The following DNM1L variants were observed in gnomAD, a reference collection of about 807,000 sequenced individuals.
DNM1L encodes the protein dynamin 1L, also known as dynamin-1-like protein.
Under a neutral mutation model 92.8 loss-of-function variants are expected in DNM1L, and 33 were observed. That is an observed-to-expected ratio of 0.36 (90% confidence interval 0.27 to 0.48). The LOEUF is 0.48. DNM1L is among the 20% of genes least tolerant of loss of function. The pLI, the probability that DNM1L is intolerant of heterozygous loss-of-function variation, is 0.99. For synonymous variants in DNM1L, 284 were observed against 305.0 expected, an observed-to-expected ratio of 0.93 and a Z score of 0.72; for missense variants, 485 against 888.8, an observed-to-expected ratio of 0.55 and a Z score of 5.78.
At chr12:32,717,894 CTATA>C (rs1161135010) in intron 6 of DNM1L, among the ~76,000 whole-genome samples, 2 of 94,300 alleles carry the variant, frequency 2.1e-5, no homozygotes, top group African/African-American at 4.5e-5. Context: ...TTTATATATA[CTATA>C]TATAGTATAT....
rs779468068 is a variant in DNM1L at position 32,718,707 on chromosome 12, T to G, written c.684T>G (p.Asp228Glu). The G allele has an allele frequency of 5.0e-6, 8 of 1,613,788 alleles. No homozygotes were observed. In the Admixed American group the frequency reaches 1.3e-4, roughly 27 times the overall value. ...DLMDAGTDAM[D>E]VLMGRVIPVK... ...TGGATGCGGGTACTGATGCCATGGA[T>G]GTATTGATGGGAAGGGTTATTCCAG... The change falls in exon 7 of 20, where the codon GAT (aspartate) becomes GAG (glutamate). Residue 228 changes from aspartate to glutamate, a missense_variant. By Grantham distance (45) the Asp-to-Glu change is conservative. This residue lies in a region of DNM1L where 159 missense variants were observed against 275.9 expected (regional missense o/e 0.58). Transcript: ENST00000549701.
intron 1 of DNM1L, among the ~76,000 whole-genome samples, chr12:32,696,920 C>T (rs967610004): frequency 6.0e-5 from 9 of 151,086 alleles, no homozygotes; most frequent in African/African-American, 1.9e-4. Flanking sequence ...CCACCACAAC[C>T]GGGCTGGTGT....
rs1194309962 is a variant in DNM1L, at chr12:32,701,518, A to G, written c.206A>G (p.His69Arg). Residue 69 changes from histidine (H) to arginine (R), a missense_variant, in exon 2 of 20, where the codon CAT (histidine) becomes CGT (arginine). Physicochemically the swap from His to Arg is conservative, Grantham distance 29 (BLOSUM62 0). Around this residue, in one of 11 missense-constraint regions of DNM1L, gnomAD observed 159 missense variants for 275.9 expected, o/e 0.58. Coordinates refer to ENST00000549701, the MANE Select transcript of DNM1L (RefSeq NM_012062.5). ...AGACCTCTCATTCTGCAACTGGTCC[A>G]TGTTTCACAAGAAGATAAACGGAAA... is the stretch of plus-strand genomic sequence containing the variant. ...TRRPLILQLV[H>R]VSQEDKRKTT... is the part of the protein sequence containing the mutation. 1.2e-6 allele frequency: 2 copies of G among 1,613,954 alleles called. No homozygotes were observed. Among genetic ancestry groups the G allele is most frequent in the Admixed American group, 1.7e-5 (1 of 59,998 alleles).
chr12:32,700,032 T>C (rs1286405439), intron 1 of DNM1L, among the ~76,000 whole-genome samples: 2 of 151,140 alleles, frequency 1.3e-5, no homozygotes, highest in East Asian at 1.9e-4. Flanking sequence ...AGCACATTCA[T>C]TGCAGCATTG....
Position 32,693,538 on chromosome 12 carries a change from T to G in DNM1L, c.103-7877T>G, listed in dbSNP as rs148696089. Among the ~76,000 whole-genome samples, 4 of 152,378 alleles carry G rather than the reference T, an allele frequency of 2.6e-5. No homozygotes were observed. In the East Asian group the frequency reaches 7.7e-4, roughly 29 times the overall value. ...TTATTTTGTTTTTTAACAGCTTTAC[T>G]GAGATACACTCTATACCATAACATA... is the stretch of plus-strand genomic sequence containing the variant. On this transcript the variant is annotated intron_variant, in intron 1 of 19. Transcript: ENST00000549701.
rs1187061272 is a variant in DNM1L at position 32,717,348 on chromosome 12, TTATATATAGTATATATAATATATATAC to T, written c.620-1286_620-1260del. On this transcript the variant is annotated intron_variant, in intron 6 of 19. Coordinates refer to ENST00000549701, the MANE Select transcript of DNM1L (RefSeq NM_012062.5). The stretch of plus-strand genomic sequence containing the variant: ...CTATATATTTTATATATACTATATA[TTATATATAGTATATATAATATATATAC>T]TATATATAATATATAGTATATATAA... Among the ~76,000 whole-genome samples, 46 of 64,874 alleles carry T rather than the reference TTATATATAGTATATATAATATATATAC, an allele frequency of 7.1e-4. 2 individuals carry two copies. The highest frequency in any genetic ancestry group is 9.5e-4 in the South Asian group (3 of 3,172). 42.6% of individuals were successfully genotyped at this position (64,874 alleles called of 152,430 possible).
In DNM1L at chr12:32,706,357, C is replaced by G. The variant is rs145548663; in HGVS notation, c.251-1010C>G. Reference sequence around the variant, plus strand: ...TCATTTTTATTTAGACCTCAGGAGGCTGATATGCATTATTCAATACACTTA... The same window carrying G: ...TCATTTTTATTTAGACCTCAGGAGGGTGATATGCATTATTCAATACACTTA... On this transcript the variant is annotated intron_variant, in intron 2 of 19. Transcript: ENST00000549701. Among the ~76,000 whole-genome samples, 227 of 152,310 alleles carry G rather than the reference C, an allele frequency of 1.5e-3. 1 individual carries two copies. Among genetic ancestry groups the G allele is most frequent in the African/African-American group, 5.3e-3 (221 of 41,562 alleles).
At chr12:32,686,555 A>G (rs1282701359) in intron 1 of DNM1L, among the ~76,000 whole-genome samples, 2 of 152,172 alleles carry the variant, frequency 1.3e-5, no homozygotes, top group African/African-American at 2.4e-5. Flanking sequence ...TTGATGAGCA[A>G]TTGGGTTGTT....
chr12:32,736,421 G>A (rs1044966745), intron 13 of DNM1L, among the ~76,000 whole-genome samples: 4 of 152,030 alleles, frequency 2.6e-5, no homozygotes, highest in East Asian at 1.9e-4. Context: ...GCAGATGCTC[G>A]GGACATTCTA....
chr12:32,710,893 A>G (rs777623029), intron 4 of DNM1L, 36 bp from the exon 5 acceptor site: 2 of 1,458,082 alleles, frequency 1.4e-6, no homozygotes, highest in East Asian at 2.5e-5. Context: ...TTCATAGTTC[A>G]TTGAAATTTT....
At chr12:32,692,139 G>A (rs929957630) in intron 1 of DNM1L, among the ~76,000 whole-genome samples, 8 of 151,544 alleles carry the variant, frequency 5.3e-5, no homozygotes, top group African/African-American at 1.9e-4. Flanking sequence ...TTTCTTTTTG[G>A]GTGGTGATAT....
At chr12:32,727,746 C>T (rs938797785) in intron 9 of DNM1L, among the ~76,000 whole-genome samples, 2 of 152,108 alleles carry the variant, frequency 1.3e-5, no homozygotes, top group African/African-American at 4.8e-5. Flanking sequence ...TAGTATTTTA[C>T]TTTTTAGATA....
intron 1 of DNM1L, among the ~76,000 whole-genome samples, chr12:32,697,020 G>A (rs145933506): frequency 1.3e-5 from 2 of 150,504 alleles, no homozygotes; most frequent in African/African-American, 4.9e-5. Flanking sequence ...TTTGAGGTCA[G>A]GAGTTTGAGA....
At chr12:32,725,093 T>C (rs983527903) in intron 9 of DNM1L, among the ~76,000 whole-genome samples, 5 of 152,136 alleles carry the variant, frequency 3.3e-5, no homozygotes, top group African/African-American at 1.2e-4. Flanking sequence ...TCTTCTTCTT[T>C]TTTTTTACAC....
chr12:32,723,584 C>T lies in DNM1L; in HGVS notation c.1079+951C>T, dbSNP rs1313972761. Among the ~76,000 whole-genome samples, 4 of 150,266 alleles carry T rather than the reference C, an allele frequency of 2.7e-5. No individual in the cohort carries two copies. In the East Asian group the frequency reaches 6.0e-4, roughly 22 times the overall value. On this transcript the variant is annotated intron_variant, in intron 9 of 19. Transcript: ENST00000549701. ...TGGTGGGCAGCTGTAATCCCAGCTA[C>T]TTGGGAGGCTGAGGCAGGAGAATTG...
chr12:32,725,642 G>C (rs1055586512), intron 9 of DNM1L: 1 of 152,140 alleles, frequency 6.6e-6, no homozygotes, highest in Non-Finnish European at 1.5e-5. Flanking sequence ...GTCTTGCTCA[G>C]CCACCCAGGT....
At chr12:32,722,723 A>T (rs1018277416) in intron 9 of DNM1L, 90 bp downstream of exon 9, 1 of 947,674 alleles carries the variant, frequency 1.1e-6, no homozygotes, top group African/African-American at 1.7e-5. Flanking sequence ...AGATTATCTG[A>T]TTAAGATTTA....
Position 32,740,047 on chromosome 12 carries a change from G to A in DNM1L, c.1708-17G>A, listed in dbSNP as rs561246422. 3.7e-6 allele frequency: 6 copies of A among 1,614,094 alleles called. No individual in the cohort carries two copies. The highest frequency in any genetic ancestry group is 3.3e-5 in the South Asian group (3 of 91,068). On this transcript the variant is annotated splice_polypyrimidine_tract_variant and intron_variant, in intron 16 of 19. Coordinates refer to ENST00000549701, the MANE Select transcript of DNM1L (RefSeq NM_012062.5). ...AGATATGATGTGGTTGGTATGTTTT[G>A]GAACATGTTTTTTCAGGTTGCATCT... is the stretch of plus-strand genomic sequence containing the variant.
At chr12:32,734,500 C>T (rs543855401) in intron 13 of DNM1L, among the ~76,000 whole-genome samples, 1 of 152,256 alleles carries the variant, frequency 6.6e-6, no homozygotes, top group African/African-American at 2.4e-5. Context: ...TTATTGACTT[C>T]AACTCTGGTT....
Sources: gnomAD v4.1 joint callset for allele counts (sites outside exome capture counted in the v4.1 genomes callset) on GRCh38, gnomAD v4.1.1 for gene constraint, gnomAD v4.1.1 regional missense constraint, MANE v1.5 for transcripts, NCBI Gene and HGNC (gene_info 2026-07-23, HGNC 2026-07-21) for gene names.